Variants in ITGA1 observed in about 807,000 individuals in gnomAD.
ITGA1 encodes the protein integrin alpha-1.
ITGA1 carries 85 observed loss-of-function variants against 145.9 expected under a neutral mutation model. That is an observed-to-expected ratio of 0.58 (90% CI 0.49 to 0.70). The LOEUF (loss-of-function observed/expected upper bound fraction) is 0.70. ITGA1 is among the 30% of genes least tolerant of loss of function. ITGA1 has a pLI of 0.00. For missense variants in ITGA1, 1,351 were observed against 1,418.7 expected (o/e 0.95, Z 0.77); for synonymous variants, 520 against 495.3 (o/e 1.05, Z -0.66).
intron 24 of ITGA1, among the ~76,000 whole-genome samples, chr5:52,938,539 T>C (rs1751005848): frequency 6.6e-6 from 1 of 152,116 alleles, no homozygotes; most frequent in Admixed American, 6.5e-5. Flanking sequence ...CTTTGGAATT[T>C]CCCTCTAATC....
chr5:52,841,790 A>G (rs890586786), intron 1 of ITGA1, among the ~76,000 whole-genome samples: 11 of 152,222 alleles, frequency 7.2e-5, no homozygotes, highest in African/African-American at 2.7e-4. Context: ...TTGGAGTTAT[A>G]GAAAATACTT....
Position 52,932,174 on chromosome 5 carries a change from A to G in ITGA1, c.2861+38A>G, listed in dbSNP as rs376344959. The G allele has an allele frequency of 7.5e-4, 946 of 1,262,892 alleles. 4 individuals are homozygous for G. Among genetic ancestry groups the G allele is most frequent in the South Asian group, 1.9e-3 (159 of 81,844 alleles). The allele number at this position is 1,262,892 out of a possible 1,614,324, so 78.2% of individuals were successfully genotyped here. On this transcript the variant is annotated intron_variant, in intron 22 of 28. Transcript: ENST00000282588. Reference sequence around the variant, plus strand: ...TACATTTTTATGTGGATGCCTTTCTATTAACCCAGTGGTTCTGAAAGTGTG... The same window carrying G: ...TACATTTTTATGTGGATGCCTTTCTGTTAACCCAGTGGTTCTGAAAGTGTG...
intron 1 of ITGA1, chr5:52,801,817 G>C (rs752639037): frequency 1.2e-6 from 2 of 1,610,312 alleles, no homozygotes; most frequent in Non-Finnish European, 1.7e-6. Context: ...CCAAGAGGGT[G>C]ATTCCAGTTC....
chr5:52,830,922 G>C (rs1224652687), intron 1 of ITGA1, among the ~76,000 whole-genome samples: 1 of 152,102 alleles, frequency 6.6e-6, no homozygotes, highest in African/African-American at 2.4e-5. Context: ...CCACCGTCTT[G>C]CCCTTATTTT....
chr5:52,905,958 T>C, intron 12 of ITGA1, 50 bp downstream of exon 12: 1 of 1,513,888 alleles, frequency 6.6e-7, no homozygotes, highest in Non-Finnish European at 9.0e-7. Context: ...TCATACTCTA[T>C]GTATATTTAC....
intron 22 of ITGA1, chr5:52,933,532 A>G (rs1750921708): frequency 6.6e-6 from 1 of 152,410 alleles, no homozygotes; most frequent in Admixed American, 6.6e-5. Flanking sequence ...GAAATGGTAA[A>G]AATTTTTAAT....
Position 52,836,209 on chromosome 5 carries a change from A to G in ITGA1, c.62-13156A>G, listed in dbSNP as rs1198389776. Reference sequence around the variant, plus strand: ...GAATTATGAGTTCCTGGAGCAGCACATGTGTCTCTTTCTTACAGAAAATTT... The same window carrying G: ...GAATTATGAGTTCCTGGAGCAGCACGTGTGTCTCTTTCTTACAGAAAATTT... On this transcript the variant is annotated intron_variant, in intron 1 of 28. Coordinates refer to ENST00000282588, the MANE Select transcript of ITGA1 (RefSeq NM_181501.2). Among the ~76,000 whole-genome samples the G allele has an allele frequency of 3.3e-5, 5 of 152,176 alleles. No homozygotes were observed. In the South Asian group the frequency reaches 1.0e-3, roughly 32 times the overall value.
chr5:52,835,829 A>G (rs1749154102), intron 1 of ITGA1, among the ~76,000 whole-genome samples: 1 of 152,210 alleles, frequency 6.6e-6, no homozygotes, highest in South Asian at 2.1e-4. Flanking sequence ...AATATATGGA[A>G]TGGTGAGAAA....
Position 52,958,078 on chromosome 5 carries a change from G to A in ITGA1, c.*5627G>A, listed in dbSNP as rs948460278. 21 of 152,118 alleles carry A rather than the reference G, an allele frequency of 1.4e-4. No individual in the cohort carries two copies. Among genetic ancestry groups the A allele is most frequent in the African/African-American group, 4.8e-4 (20 of 41,434 alleles). The allele number at this position is 152,118 out of a possible 1,614,324, so 9.4% of individuals were successfully genotyped here. ...TATCCTCACCCTTGTTTTTTAAGAG[G>A]TAGAGAGAGATTACTGGGAAGCAGT... On this transcript the variant is annotated 3_prime_UTR_variant, in exon 29 of 29. Transcript: ENST00000282588.
At chr5:52,893,632 A>G (rs1162309497) in intron 8 of ITGA1, 43 bp from the exon 9 acceptor site, 3 of 1,553,396 alleles carry the variant, frequency 1.9e-6, no homozygotes, top group Non-Finnish European at 2.6e-6. Flanking sequence ...TATTTAACAC[A>G]TAGAATTTAA....
intron 1 of ITGA1, among the ~76,000 whole-genome samples, chr5:52,818,519 G>C (rs1009208887): frequency 9.9e-5 from 15 of 152,210 alleles, no homozygotes; most frequent in African/African-American, 3.4e-4. Context: ...TGCAGGGATT[G>C]AATTAGTTAG....
rs115979518 is a variant in ITGA1, at chr5:52,953,372, G to T, written c.*921G>T. ...TGCTGAGCAGCTTTTGAATGCTAAGGGTTCCAGTATGTGACCCAAAGAAAG... is the reference window on the plus strand; with the variant it reads ...TGCTGAGCAGCTTTTGAATGCTAAGTGTTCCAGTATGTGACCCAAAGAAAG... On this transcript the variant is annotated 3_prime_UTR_variant, in exon 29 of 29. Transcript: ENST00000282588. 1 of 152,174 alleles carries T rather than the reference G, an allele frequency of 6.6e-6. No individual in the cohort carries two copies. The highest frequency in any genetic ancestry group is 2.4e-5 in the African/African-American group (1 of 41,432). The allele number at this position is 152,174 out of a possible 1,614,324, so 9.4% of individuals were successfully genotyped here. A position where few individuals can be genotyped will look rare whatever the true frequency, so the allele number is the denominator to read the frequency against.
chr5:52,944,924 A>G lies in ITGA1; in HGVS notation c.3286-19A>G. On this transcript the variant is annotated intron_variant, in intron 26 of 28. Transcript: ENST00000282588. ...TGATTAGCATCATATATTAAGAACAAATCCTATTTGCTTTTCAGTCATATT... is the reference window on the plus strand; with the variant it reads ...TGATTAGCATCATATATTAAGAACAGATCCTATTTGCTTTTCAGTCATATT... The G allele has an allele frequency of 6.5e-7, 1 of 1,541,892 alleles. No homozygotes were observed. Among genetic ancestry groups the G allele is most frequent in the Non-Finnish European group, 9.0e-7 (1 of 1,116,020 alleles).
intron 1 of ITGA1, among the ~76,000 whole-genome samples, chr5:52,834,643 AAG>A: frequency 6.9e-6 from 1 of 145,118 alleles, no homozygotes; most frequent in East Asian, 1.9e-4. Context: ...GAAAGACAGA[AAG>A]AAAGAAAAAG....
At chr5:52,921,496 A>G (rs905594435) in intron 17 of ITGA1, among the ~76,000 whole-genome samples, 9 of 152,232 alleles carry the variant, frequency 5.9e-5, no homozygotes, top group African/African-American at 2.2e-4. Context: ...TGGTAAAATA[A>G]CACTGGAGTT....
chr5:52,801,107 C>G, intron 1 of ITGA1: 1 of 1,601,844 alleles, frequency 6.2e-7, no homozygotes. Context: ...GAAAACCGGT[C>G]CAAATTTCTT....
chr5:52,929,065 T>C (rs1334693312), intron 20 of ITGA1, among the ~76,000 whole-genome samples: 3 of 152,178 alleles, frequency 2.0e-5, no homozygotes, highest in African/African-American at 7.2e-5. Flanking sequence ...TGTTTCTTAG[T>C]CTATTCTGGC....
chr5:52,847,039 A>C (rs2111747155), intron 1 of ITGA1, among the ~76,000 whole-genome samples: 1 of 152,342 alleles, frequency 6.6e-6, no homozygotes, highest in Non-Finnish European at 1.5e-5. Flanking sequence ...GATTAAAAAA[A>C]GGTAAGTAAG....
chr5:52,952,435 A>G lies in ITGA1; in HGVS notation c.3524A>G (p.Lys1175Arg). The G allele has an allele frequency of 7.2e-7, 1 of 1,398,098 alleles. No homozygotes were observed. 86.6% of individuals were successfully genotyped at this position (1,398,098 alleles called of 1,614,324 possible). ...GGATTCTTCAAAAGACCACTGAAAA[A>G]GAAAATGGAGAAATGAAATATTTTA... ...KIGFFKRPLK[K>R]KMEK The change falls in exon 29 of 29, where the codon AAG becomes AGG. Residue 1175 changes from lysine (K) to arginine (R), a missense_variant. Lys to Arg is a conservative substitution (Grantham distance 26, BLOSUM62 2). Coordinates refer to ENST00000282588, the MANE Select transcript of ITGA1 (RefSeq NM_181501.2).
Sources: gnomAD v4.1 joint callset for allele counts (sites outside exome capture counted in the v4.1 genomes callset) on GRCh38, gnomAD v4.1.1 for gene constraint, MANE v1.5 for transcripts, NCBI Gene and HGNC (gene_info 2026-07-23, HGNC 2026-07-21) for gene names.